Variants in KDM4C observed in about 807,000 individuals in gnomAD.
KDM4C encodes lysine demethylase 4C.
A neutral mutation model predicts 129.3 loss-of-function variants in KDM4C; 81 were observed. That is an observed-to-expected ratio of 0.63 (90% confidence interval 0.52 to 0.75). The LOEUF is 0.75. Among genes scored for constraint, KDM4C ranks in the 30% least tolerant of loss-of-function variants. KDM4C has a pLI of 0.00. For missense variants in KDM4C, 1,457 were observed against 1,304.0 expected (o/e 1.12, Z -1.81); for synonymous variants, 573 against 456.1 (o/e 1.26, Z -3.26).
chr9:6,857,750 C>G (rs1456629513), intron 5 of KDM4C, among the ~76,000 whole-genome samples: 1 of 148,148 alleles, frequency 6.8e-6, no homozygotes, highest in Non-Finnish European at 1.5e-5. Context: ...GAGTAGCCAG[C>G]TGTACTTTTT....
intron 15 of KDM4C, among the ~76,000 whole-genome samples, chr9:7,026,041 C>G (rs1825756952): frequency 1.3e-5 from 2 of 151,928 alleles, no homozygotes; most frequent in Non-Finnish European, 1.5e-5. Flanking sequence ...TCCATCTGTA[C>G]TAAAAATATA....
At chr9:6,996,130 G>A (rs1483454520) in intron 12 of KDM4C, among the ~76,000 whole-genome samples, 1 of 152,138 alleles carries the variant, frequency 6.6e-6, no homozygotes, top group Non-Finnish European at 1.5e-5. Flanking sequence ...CACCCACTTT[G>A]GTATCTCTGT....
chr9:6,922,097 G>T (rs531917237), intron 8 of KDM4C, among the ~76,000 whole-genome samples: 1 of 152,182 alleles, frequency 6.6e-6, no homozygotes, highest in Admixed American at 6.5e-5. Context: ...CATAGTACAC[G>T]TTCAGCAAAT....
At chr9:7,154,448 C>G (rs1007507656) in intron 19 of KDM4C, among the ~76,000 whole-genome samples, 3 of 152,132 alleles carry the variant, frequency 2.0e-5, no homozygotes, top group African/African-American at 7.2e-5. Flanking sequence ...GGTTTATACA[C>G]GTAAGGAGTA....
At chr9:6,805,930 G>A (rs1181904896) in intron 3 of KDM4C, among the ~76,000 whole-genome samples, 156 bp downstream of exon 3, 1 of 152,088 alleles carries the variant, frequency 6.6e-6, no homozygotes, top group Non-Finnish European at 1.5e-5. Context: ...TGTTCTTTAG[G>A]TGGTTGCTGA....
chr9:6,747,539 C>CAAAAAA (rs35996555), intron 1 of KDM4C, among the ~76,000 whole-genome samples: 6 of 97,990 alleles, frequency 6.1e-5, no homozygotes, highest in East Asian at 3.0e-4. Flanking sequence ...CAGGGCGATT[C>CAAAAAA]AAAAAAAAAA....
intron 5 of KDM4C, among the ~76,000 whole-genome samples, chr9:6,877,400 C>G (rs1358640127): frequency 6.6e-6 from 1 of 152,126 alleles, no homozygotes; most frequent in South Asian, 2.1e-4. Flanking sequence ...TGGGGTTTCA[C>G]CTTGTTAGCC....
At chr9:6,829,711 C>T (rs773251150) in intron 4 of KDM4C, among the ~76,000 whole-genome samples, 1 of 152,164 alleles carries the variant, frequency 6.6e-6, no homozygotes, top group East Asian at 1.9e-4. Flanking sequence ...TGGAGCTCTT[C>T]TTGTCTTGGA....
chr9:6,957,301 A>G (rs1352440638), intron 8 of KDM4C, among the ~76,000 whole-genome samples: 1 of 152,132 alleles, frequency 6.6e-6, no homozygotes, highest in Non-Finnish European at 1.5e-5. Flanking sequence ...GTTTCATTAT[A>G]AATATTGTGC....
chr9:6,896,648 CAGGCTTTGTCATT>C, intron 8 of KDM4C, among the ~76,000 whole-genome samples: 1 of 151,996 alleles, frequency 6.6e-6, no homozygotes, highest in South Asian at 2.1e-4. Context: ...CATAAGTCAA[CAGGCTTTGTCATT>C]AGGGACCTTT....
chr9:6,896,526 A>G (rs982526103), intron 8 of KDM4C, among the ~76,000 whole-genome samples: 1 of 151,710 alleles, frequency 6.6e-6, no homozygotes, highest in Non-Finnish European at 1.5e-5. Flanking sequence ...CAGTATTTTT[A>G]ATTAGGTGAC....
In KDM4C at chr9:6,849,565, A is replaced by G; in HGVS notation, c.494A>G (p.Glu165Gly). ...LNTVLDVVEE[E>G]CGISIEGVNT... ...ACAGTCTTGGATGTGGTTGAAGAAG[A>G]GTGTGGCATTTCTATTGAGGGTGTA... Residue 165 changes from glutamate (E) to glycine (G), a missense_variant, in exon 5 of 22, where the codon GAG becomes GGG. By Grantham distance (98) the Glu-to-Gly change is moderately conservative (BLOSUM62 -2). Transcript: ENST00000381309. 6.2e-7 allele frequency: 1 copy of G among 1,613,728 alleles called. No individual in the cohort carries two copies. The highest frequency in any genetic ancestry group is 8.5e-7 in the Non-Finnish European group (1 of 1,179,726).
chr9:6,935,848 C>G (rs750646725), intron 8 of KDM4C, among the ~76,000 whole-genome samples: 2 of 151,978 alleles, frequency 1.3e-5, no homozygotes, highest in South Asian at 4.1e-4. Context: ...AATAAAAGTC[C>G]TGATTTTTGT....
At chr9:6,927,010 T>C (rs1430105976) in intron 8 of KDM4C, among the ~76,000 whole-genome samples, 1 of 152,210 alleles carries the variant, frequency 6.6e-6, no homozygotes, top group African/African-American at 2.4e-5. Flanking sequence ...TATAGCTTTT[T>C]GGTAAAGCCA....
At chr9:6,799,744 A>G (rs1171129773) in intron 2 of KDM4C, among the ~76,000 whole-genome samples, 1 of 151,248 alleles carries the variant, frequency 6.6e-6, no homozygotes, top group Non-Finnish European at 1.5e-5. Flanking sequence ...GCCTGAATAA[A>G]TCTGTGTTCC....
At chr9:6,876,623 G>C (rs1843601316) in intron 5 of KDM4C, among the ~76,000 whole-genome samples, 1 of 152,080 alleles carries the variant, frequency 6.6e-6, no homozygotes, top group African/African-American at 2.4e-5. Flanking sequence ...GTTGTGTTTG[G>C]CTTCAAATTG....
chr9:7,049,833 G>C (rs1472567381), intron 17 of KDM4C, among the ~76,000 whole-genome samples: 3 of 151,984 alleles, frequency 2.0e-5, no homozygotes, highest in Non-Finnish European at 4.4e-5. Context: ...TCAATTATGA[G>C]CCAGCAGATC....
chr9:7,005,507 A>G (rs1284684853), intron 12 of KDM4C, among the ~76,000 whole-genome samples: 1 of 150,454 alleles, frequency 6.6e-6, no homozygotes, highest in South Asian at 2.1e-4. Flanking sequence ...CTTTGTTTCT[A>G]CTCTAATTTA....
chr9:6,893,571 C>T (rs916663137), intron 8 of KDM4C: 1 of 167,508 alleles, frequency 6.0e-6, no homozygotes, highest in African/African-American at 2.4e-5. Context: ...ACTCAGATCT[C>T]TCCCTGTTTG....
Sources: allele counts gnomAD v4.1 joint callset (sites outside exome capture counted in the v4.1 genomes callset), GRCh38; gene constraint gnomAD v4.1.1; transcripts MANE v1.5; gene names NCBI Gene and HGNC (gene_info 2026-07-23, HGNC 2026-07-21).